Variants in DBNL observed in about 807,000 individuals in gnomAD.
The protein encoded by DBNL is drebrin-like protein.
DBNL carries 35 observed loss-of-function variants against 62.2 expected under a neutral mutation model. That is an observed-to-expected ratio of 0.56 (90% CI 0.43 to 0.75). DBNL has a LOEUF of 0.75. Ranked by LOEUF, DBNL falls within the 30% of genes least tolerant of loss-of-function variation. The pLI is 0.00. For missense variants in DBNL, 495 were observed against 578.4 expected (o/e 0.86, Z 1.48); for synonymous variants, 197 against 218.0 (o/e 0.90, Z 0.85).
Position 44,061,270 on chromosome 7 carries a change from A to G in DBNL, c.*354A>G. On this transcript the variant is annotated 3_prime_UTR_variant, in exon 13 of 13. Transcript: ENST00000448521. Reference sequence around the variant, plus strand: ...CTGGGAGGCTCTGGCTGCCTTCTGCATTTATTTGCCTTTTTTCTTTTTCTC... The same window carrying G: ...CTGGGAGGCTCTGGCTGCCTTCTGCGTTTATTTGCCTTTTTTCTTTTTCTC... 1 of 257,130 alleles carries G rather than the reference A, an allele frequency of 3.9e-6. No individual in the cohort carries two copies. The allele number at this position is 257,130 out of a possible 1,614,324, so 15.9% of individuals were successfully genotyped here.
rs1273014857 is a variant in DBNL, at chr7:44,062,625, G to A, written c.*1709G>A. ...TAGGCTCCTGCCCCTGGTGACACAC[G>A]TATGGAGTGGGGGAGGGTGGGTGGC... On this transcript the variant is annotated 3_prime_UTR_variant, in exon 13 of 13. Transcript: ENST00000448521. The A allele has an allele frequency of 2.9e-5, 24 of 830,790 alleles. No homozygotes were observed. Among genetic ancestry groups the A allele is most frequent in the East Asian group, 8.0e-5 (3 of 37,676 alleles). 51.5% of individuals were successfully genotyped at this position (830,790 alleles called of 1,614,324 possible).
Position 44,050,206 on chromosome 7 carries a change from CACTT to C in DBNL, c.84-18_84-15del. 1 of 1,613,228 alleles carries C rather than the reference CACTT, an allele frequency of 6.2e-7. No individual in the cohort carries two copies. The highest frequency in any genetic ancestry group is 8.5e-7 in the Non-Finnish European group (1 of 1,179,346). ...AACCCAAGGTGCTGGCTACAGAGCT[CACTT>C]GTGTTTCGTTTCAGGGCTCTCTTTA... On this transcript the variant is annotated splice_polypyrimidine_tract_variant and intron_variant, in intron 1 of 12. Coordinates refer to ENST00000448521, the MANE Select transcript of DBNL (RefSeq NM_001014436.3).
chr7:44,065,807 C>A lies in DBNL; in HGVS notation c.*4891C>A, dbSNP rs1413837005. ...AACCAGCTGGCACCCAGAGCCCAGACTGAGTGGGGCTGCTGGTCAGGGATG... is the reference window on the plus strand; with the variant it reads ...AACCAGCTGGCACCCAGAGCCCAGAATGAGTGGGGCTGCTGGTCAGGGATG... On this transcript the variant is annotated 3_prime_UTR_variant, in exon 13 of 13. Coordinates refer to ENST00000448521, the MANE Select transcript of DBNL (RefSeq NM_001014436.3). The A allele has an allele frequency of 1.3e-5, 7 of 541,006 alleles. No individual in the cohort carries two copies. Among genetic ancestry groups the A allele is most frequent in the East Asian group, 9.8e-5 (3 of 30,488 alleles). The allele number at this position is 541,006 out of a possible 1,614,324, so 33.5% of individuals were successfully genotyped here.
Position 44,065,504 on chromosome 7 carries a change from A to C in DBNL, c.*4588A>C. The C allele has an allele frequency of 6.2e-7, 1 of 1,613,998 alleles. No homozygotes were observed. Among genetic ancestry groups the C allele is most frequent in the South Asian group, 1.1e-5 (1 of 91,082 alleles). ...GTTCCATGTGCTCTCGCCGTGCCGG[A>C]CCATCACGAGGCGGTGAGTGGCCAT... On this transcript the variant is annotated 3_prime_UTR_variant, in exon 13 of 13. Transcript: ENST00000448521.
rs1166505372 is a variant in DBNL at position 44,052,923 on chromosome 7, C to T, written c.309C>T (p.Thr103=). The stretch of plus-strand genomic sequence containing the variant: ...GAGCCTGTGCCAGCCACGTCAGCAC[C>T]ATGGCCAGCTTCCTGAAGGTAAGGC... ...RKGACASHVS[T]MASFLKGAHV... is the part of the protein sequence containing the mutation. The change falls in exon 4 of 13, where the codon ACC becomes ACT. Residue 103 remains threonine (T), a synonymous_variant. Coordinates refer to ENST00000448521, the MANE Select transcript of DBNL (RefSeq NM_001014436.3). The T allele has an allele frequency of 6.2e-6, 10 of 1,613,436 alleles. No individual in the cohort carries two copies. The highest frequency in any genetic ancestry group is 8.5e-6 in the Non-Finnish European group (10 of 1,179,980).
rs2096162888 is a variant in DBNL at position 44,067,941 on chromosome 7, C to G, written c.*7025C>G. 6.6e-6 allele frequency: 1 copy of G among 152,188 alleles called. No homozygotes were observed. The highest frequency in any genetic ancestry group is 6.5e-5 in the Admixed American group (1 of 15,280). 9.4% of individuals were successfully genotyped at this position (152,188 alleles called of 1,614,324 possible). ...CTCAAGTGCACCAACAGAAAGAGCTCCAGGAAGAATCAGAGGAGTGGGATG... is the reference window on the plus strand; with the variant it reads ...CTCAAGTGCACCAACAGAAAGAGCTGCAGGAAGAATCAGAGGAGTGGGATG... On this transcript the variant is annotated 3_prime_UTR_variant, in exon 13 of 13. Coordinates refer to ENST00000448521, the MANE Select transcript of DBNL (RefSeq NM_001014436.3).
Position 44,065,781 on chromosome 7 carries a change from T to C in DBNL, c.*4865T>C, listed in dbSNP as rs1030314829. The C allele has an allele frequency of 1.1e-5, 6 of 569,554 alleles. No homozygotes were observed. In the African/African-American group the frequency reaches 1.1e-4, roughly 11 times the overall value. The allele number at this position is 569,554 out of a possible 1,614,324, so 35.3% of individuals were successfully genotyped here. A position where few individuals can be genotyped will look rare whatever the true frequency, so the allele number is the denominator to read the frequency against. On this transcript the variant is annotated 3_prime_UTR_variant, in exon 13 of 13. Transcript: ENST00000448521. ...GGCCTGGGTTCAGGTGGCATGTCTA[T>C]AACCAGCTGGCACCCAGAGCCCAGA...
chr7:44,047,912 T>G (rs936162348), intron 1 of DBNL, among the ~76,000 whole-genome samples: 2 of 2,082 alleles, frequency 9.6e-4, no homozygotes, highest in African/African-American at 2.6e-3. Flanking sequence ...CTGAGTCCCT[T>G]TTTTTTTTTT....
Position 44,050,293 on chromosome 7 carries a change from C to T in DBNL, c.139+13C>T. The T allele has an allele frequency of 1.9e-6, 3 of 1,613,492 alleles. No individual in the cohort carries two copies. The highest frequency in any genetic ancestry group is 2.5e-6 in the Non-Finnish European group (3 of 1,179,566). On this transcript the variant is annotated intron_variant, in intron 2 of 12. Transcript: ENST00000448521. ...GCTGGCACAGGGGGTGAGTATGACT[C>T]CAAATGGACTCAGGGACACCAGGAG...
In DBNL at chr7:44,063,126, C is replaced by A; in HGVS notation, c.*2210C>A. Reference sequence around the variant, plus strand: ...TAGACCAAGCAGCCTACAGAAATAGCCCAGTGGTGAAAAAAATGGGGACTT... The same window carrying A: ...TAGACCAAGCAGCCTACAGAAATAGACCAGTGGTGAAAAAAATGGGGACTT... On this transcript the variant is annotated 3_prime_UTR_variant, in exon 13 of 13. Transcript: ENST00000448521. 1 of 624,068 alleles carries A rather than the reference C, an allele frequency of 1.6e-6. No individual in the cohort carries two copies. Among genetic ancestry groups the A allele is most frequent in the South Asian group, 1.8e-5 (1 of 55,784 alleles). 38.7% of individuals were successfully genotyped at this position (624,068 alleles called of 1,614,324 possible).
chr7:44,063,851 A>T lies in DBNL; in HGVS notation c.*2935A>T, dbSNP rs926617214. 2.0e-5 allele frequency: 3 copies of T among 152,342 alleles called. No individual in the cohort carries two copies. The highest frequency in any genetic ancestry group is 4.8e-5 in the African/African-American group (2 of 41,466). 9.4% of individuals were successfully genotyped at this position (152,342 alleles called of 1,614,324 possible). On this transcript the variant is annotated 3_prime_UTR_variant, in exon 13 of 13. Coordinates refer to ENST00000448521, the MANE Select transcript of DBNL (RefSeq NM_001014436.3). ...ACCAAAAGTGCGTCCCCTTTCCCCA[A>T]ACCAGGCTGTGGGAGGGTCATGGGG...
Position 44,059,718 on chromosome 7 carries a change from A to G in DBNL, c.1047+60A>G. The G allele has an allele frequency of 6.8e-7, 1 of 1,469,906 alleles. No homozygotes were observed. Among genetic ancestry groups the G allele is most frequent in the Admixed American group, 2.2e-5 (1 of 45,782 alleles). The allele number at this position is 1,469,906 out of a possible 1,614,324, so 91.1% of individuals were successfully genotyped here. A position where few individuals can be genotyped will look rare whatever the true frequency, so the allele number is the denominator to read the frequency against. On this transcript the variant is annotated intron_variant, in intron 11 of 12. Transcript: ENST00000448521. The surrounding 1 kb of genome is among the most constrained non-coding windows in gnomAD (Gnocchi z 4.1). ...GGCTGCATACTCAGGAACACTTATC[A>G]CGGGCCGCCTGAGTTTTCTGGGGGC...
chr7:44,044,862 C>T, intron 1 of DBNL, 42 bp downstream of exon 1: 1 of 1,387,134 alleles, frequency 7.2e-7, no homozygotes. Context: ...GGGGCTGCCT[C>T]AGGGGTGGGT....
rs1183258366 is a variant in DBNL, at chr7:44,065,516, CGGTGAGT to C, written c.*4603_*4609del. ...CTCGCCGTGCCGGACCATCACGAGGCGGTGAGTGGCCATGGTGGCAGCAGGGACCACA... is the reference window on the plus strand; with the variant it reads ...CTCGCCGTGCCGGACCATCACGAGGCGGCCATGGTGGCAGCAGGGACCACA... On this transcript the variant is annotated 3_prime_UTR_variant, in exon 13 of 13. Transcript: ENST00000448521. 11 of 1,613,854 alleles carry C rather than the reference CGGTGAGT, an allele frequency of 6.8e-6. No individual in the cohort carries two copies. Among genetic ancestry groups the C allele is most frequent in the Non-Finnish European group, 9.3e-6 (11 of 1,180,014 alleles).
rs559144581 is a variant in DBNL at position 44,063,337 on chromosome 7, T to A, written c.*2421T>A. ...TTTACTCCTCTTGCCCAGGCTGGAGTGCAGTGGCACGATCTTGGCTCACTG... is the reference window on the plus strand; with the variant it reads ...TTTACTCCTCTTGCCCAGGCTGGAGAGCAGTGGCACGATCTTGGCTCACTG... On this transcript the variant is annotated 3_prime_UTR_variant, in exon 13 of 13. Transcript: ENST00000448521. 31 of 287,370 alleles carry A rather than the reference T, an allele frequency of 1.1e-4. No individual in the cohort carries two copies. Among genetic ancestry groups the A allele is most frequent in the African/African-American group, 6.8e-4 (31 of 45,560 alleles). 17.8% of individuals were successfully genotyped at this position (287,370 alleles called of 1,614,324 possible).
chr7:44,068,873 A>G lies in DBNL; in HGVS notation c.*7957A>G, dbSNP rs576028806. ...GACACATCATAAAGAAACTTCTGAAAACTAAAGACCAAGAAAAATAAGATC... is the reference window on the plus strand; with the variant it reads ...GACACATCATAAAGAAACTTCTGAAGACTAAAGACCAAGAAAAATAAGATC... On this transcript the variant is annotated 3_prime_UTR_variant, in exon 13 of 13. Coordinates refer to ENST00000448521, the MANE Select transcript of DBNL (RefSeq NM_001014436.3). 6.6e-6 allele frequency: 1 copy of G among 152,372 alleles called. No homozygotes were observed. The highest frequency in any genetic ancestry group is 2.1e-4 in the South Asian group (1 of 4,832). The allele number at this position is 152,372 out of a possible 1,614,324, so 9.4% of individuals were successfully genotyped here.
chr7:44,052,774 C>T, intron 3 of DBNL, 93 bp from the exon 4 acceptor site: 1 of 1,496,240 alleles, frequency 6.7e-7, no homozygotes, highest in Non-Finnish European at 9.1e-7. Context: ...GCAGTTTTCT[C>T]TTTTCTGGGA....
intron 1 of DBNL, 115 bp downstream of exon 1, chr7:44,044,935 C>T: frequency 9.2e-7 from 1 of 1,087,590 alleles, no homozygotes; most frequent in East Asian, 3.2e-5. Context: ...GGTGCCCAGG[C>T]AGGTGGCCTG....
In DBNL at chr7:44,065,841, G is replaced by A; in HGVS notation, c.*4925G>A. 4 of 496,416 alleles carry A rather than the reference G, an allele frequency of 8.1e-6. No homozygotes were observed. 30.8% of individuals were successfully genotyped at this position (496,416 alleles called of 1,614,324 possible). A position where few individuals can be genotyped will look rare whatever the true frequency, so the allele number is the denominator to read the frequency against. ...GCTGCTGGTCAGGGATGGGCGTGAAGGGCAGAAGTCTGGGCCAGGGGAGAT... is the reference window on the plus strand; with the variant it reads ...GCTGCTGGTCAGGGATGGGCGTGAAAGGCAGAAGTCTGGGCCAGGGGAGAT... On this transcript the variant is annotated 3_prime_UTR_variant, in exon 13 of 13. Coordinates refer to ENST00000448521, the MANE Select transcript of DBNL (RefSeq NM_001014436.3).
Sources: gnomAD v4.1 joint callset for allele counts (sites outside exome capture counted in the v4.1 genomes callset) on GRCh38, gnomAD v4.1.1 for gene constraint, Gnocchi (gnomAD v3.1) non-coding constraint, MANE v1.5 for transcripts, NCBI Gene and HGNC (gene_info 2026-07-23, HGNC 2026-07-21) for gene names.